The following NEK6 variants were observed in gnomAD, a reference collection of about 807,000 sequenced individuals.
NEK6 encodes NIMA related kinase 6, also known as serine/threonine-protein kinase Nek6.
In NEK6, 27 loss-of-function variants were observed where a neutral mutation model predicts 43.5. The ratio of observed to expected loss-of-function variants is 0.62; its 90% CI spans 0.46 to 0.86. The LOEUF (loss-of-function observed/expected upper bound fraction) is 0.86, where lower values mean the gene tolerates loss of function less well. Ranked by LOEUF, NEK6 falls within the 40% of genes least tolerant of loss-of-function variation. NEK6 has a pLI of 0.00. For synonymous variants in NEK6, 167 were observed against 164.1 expected (o/e 1.02, Z -0.14); for missense variants, 318 against 414.4 (o/e 0.77, Z 2.02).
chr9:124,326,208 C>CA lies in NEK6; in HGVS notation c.406-122_406-121insA. The CA allele has an allele frequency of 5.4e-6, 1 of 186,844 alleles. No homozygotes were observed. The highest frequency in any genetic ancestry group is 4.7e-5 in the South Asian group (1 of 21,078). The allele number at this position is 186,844 out of a possible 1,614,324, so 11.6% of individuals were successfully genotyped here. ...TGTTTGCTCAGTGGCTCAATCCCCC[C>CA]CCCCCGCCCCTGCCAGGCACCAGTT... On this transcript the variant is annotated intron_variant, in intron 5 of 9. Coordinates refer to ENST00000320246, the MANE Select transcript of NEK6 (RefSeq NM_014397.6). This position sits in a 1 kb window ranked among gnomAD's most constrained non-coding sequence, Gnocchi z 4.5.
intron 9 of NEK6, among the ~76,000 whole-genome samples, chr9:124,348,816 A>C (rs1295245760): frequency 6.6e-6 from 1 of 152,240 alleles, no homozygotes; most frequent in East Asian, 1.9e-4. Flanking sequence ...CGATAATAAC[A>C]GCTCATGTTC....
chr9:124,261,353 A>G (rs1831023514), intron 1 of NEK6: 2 of 961,190 alleles, frequency 2.1e-6, no homozygotes, highest in South Asian at 9.6e-5. Flanking sequence ...CAAAAGGAGA[A>G]GAATATTTCC....
chr9:124,259,718 T>C (rs1430919823), intron 1 of NEK6, among the ~76,000 whole-genome samples: 1 of 152,176 alleles, frequency 6.6e-6, no homozygotes, highest in Non-Finnish European at 1.5e-5. Context: ...GGAAGGTTCT[T>C]GCCTAACTTC....
At chr9:124,285,485 C>T (rs571233392) in intron 1 of NEK6, among the ~76,000 whole-genome samples, 81 of 152,210 alleles carry the variant, frequency 5.3e-4, no homozygotes, top group Non-Finnish European at 9.9e-4. Flanking sequence ...AGAGCTGGGT[C>T]GATGGCCACC....
intron 8 of NEK6, among the ~76,000 whole-genome samples, chr9:124,347,199 G>A (rs571585366): frequency 1.3e-3 from 192 of 152,340 alleles, no homozygotes; most frequent in East Asian, 2.3e-3. Flanking sequence ...GCAGCTCTGC[G>A]AGGGGCTGGC....
In NEK6 at chr9:124,300,697, G is replaced by A. The variant is rs528870189; in HGVS notation, c.-29-1239G>A. On this transcript the variant is annotated intron_variant, in intron 1 of 9. Coordinates refer to ENST00000320246, the MANE Select transcript of NEK6 (RefSeq NM_014397.6). ...TCAGACAAAACCCGCTGACCGCGCCGGGGGCTCTAGGATACGAGTCACATC... is the reference window on the plus strand; with the variant it reads ...TCAGACAAAACCCGCTGACCGCGCCAGGGGCTCTAGGATACGAGTCACATC... Among the ~76,000 whole-genome samples the A allele has an allele frequency of 7.2e-5, 11 of 152,272 alleles. No individual in the cohort carries two copies. The South Asian group carries it at 1.2e-3, about 17-fold the overall frequency.
At chr9:124,260,349 C>T (rs1375376065) in intron 1 of NEK6, among the ~76,000 whole-genome samples, 1 of 152,192 alleles carries the variant, frequency 6.6e-6, no homozygotes, top group East Asian at 1.9e-4. Flanking sequence ...TGCATAATTT[C>T]ATTAAAGTAG....
intron 2 of NEK6, among the ~76,000 whole-genome samples, chr9:124,306,956 A>C (rs1833284610): frequency 6.6e-6 from 1 of 152,238 alleles, no homozygotes; most frequent in African/African-American, 2.4e-5. Flanking sequence ...CGGTTGCCTT[A>C]AAATTAATGA....
chr9:124,302,183 T>G (rs1833016971), intron 2 of NEK6, 129 bp downstream of exon 2: 1 of 646,426 alleles, frequency 1.5e-6, no homozygotes, highest in African/African-American at 1.8e-5. Context: ...TCTTGAATGC[T>G]TCCAGTGATG....
chr9:124,276,156 G>A (rs574973801), intron 1 of NEK6, among the ~76,000 whole-genome samples: 7 of 152,192 alleles, frequency 4.6e-5, no homozygotes, highest in East Asian at 1.9e-4. Context: ...GAACAGTGCC[G>A]GGCACCTGGT....
chr9:124,273,614 C>G (rs1272152865), intron 1 of NEK6, among the ~76,000 whole-genome samples: 1 of 152,118 alleles, frequency 6.6e-6, no homozygotes, highest in East Asian at 1.9e-4. Context: ...TTGTCCCGTC[C>G]CACCGTTGGC....
chr9:124,293,206 C>T (rs1316540535), intron 1 of NEK6, among the ~76,000 whole-genome samples: 1 of 152,240 alleles, frequency 6.6e-6, no homozygotes, highest in Non-Finnish European at 1.5e-5. Context: ...GGCCATGCTG[C>T]TTATCAGCTG....
intron 1 of NEK6, among the ~76,000 whole-genome samples, chr9:124,298,997 G>C (rs1832830514): frequency 6.6e-6 from 1 of 152,236 alleles, no homozygotes; most frequent in Non-Finnish European, 1.5e-5. Context: ...GCATCTGGCT[G>C]CAGCTGTTGG....
chr9:124,308,818 C>A (rs531520722), intron 2 of NEK6, among the ~76,000 whole-genome samples: 1 of 152,328 alleles, frequency 6.6e-6, no homozygotes, highest in East Asian at 1.9e-4. Flanking sequence ...TCACCAACAT[C>A]ATCTCCCAGA....
Position 124,326,207 on chromosome 9 carries a change from C to A in NEK6, c.406-123C>A, listed in dbSNP as rs536800113. The A allele has an allele frequency of 4.4e-5, 8 of 182,404 alleles. No individual in the cohort carries two copies. The highest frequency in any genetic ancestry group is 9.6e-5 in the Non-Finnish European group (7 of 73,232). The allele number at this position is 182,404 out of a possible 1,614,324, so 11.3% of individuals were successfully genotyped here. The stretch of plus-strand genomic sequence containing the variant: ...TTGTTTGCTCAGTGGCTCAATCCCC[C>A]CCCCCCGCCCCTGCCAGGCACCAGT... On this transcript the variant is annotated intron_variant, in intron 5 of 9. Transcript: ENST00000320246. The surrounding 1 kb of genome is among the most constrained non-coding windows in gnomAD (Gnocchi z 4.5).
intron 1 of NEK6, among the ~76,000 whole-genome samples, chr9:124,262,063 G>T (rs1422485220): frequency 6.6e-6 from 1 of 152,050 alleles, no homozygotes; most frequent in Non-Finnish European, 1.5e-5. Context: ...GGAGTGAGGG[G>T]TGGTCTGCGG....
chr9:124,258,104 G>C lies in NEK6; in HGVS notation c.-30+19G>C. 2.0e-6 allele frequency: 2 copies of C among 978,940 alleles called. No homozygotes were observed. Among genetic ancestry groups the C allele is most frequent in the Non-Finnish European group, 2.4e-6 (2 of 827,420 alleles). The allele number at this position is 978,940 out of a possible 1,614,324, so 60.6% of individuals were successfully genotyped here. On this transcript the variant is annotated intron_variant, in intron 1 of 9. Transcript: ENST00000320246. Reference sequence around the variant, plus strand: ...CGCGCCGGTGAGTCGCCTGGGGCTGGGGCCGGGCCGGTGGGGCCCCGCGGC... The same window carrying C: ...CGCGCCGGTGAGTCGCCTGGGGCTGCGGCCGGGCCGGTGGGGCCCCGCGGC...
At chr9:124,260,917 C>T (rs1055948889) in intron 1 of NEK6, among the ~76,000 whole-genome samples, 48 of 152,298 alleles carry the variant, frequency 3.2e-4, no homozygotes, top group Middle Eastern at 3.4e-3. Context: ...CCATGGTCTC[C>T]CCACTGTACT....
At chr9:124,307,514 G>A (rs1340380746) in intron 2 of NEK6, among the ~76,000 whole-genome samples, 2 of 152,214 alleles carry the variant, frequency 1.3e-5, no homozygotes, top group East Asian at 1.9e-4. Context: ...GCCCCAGGCA[G>A]CCCAGGCCTT....
Sources: gnomAD v4.1 joint callset for allele counts (sites outside exome capture counted in the v4.1 genomes callset) on GRCh38, gnomAD v4.1.1 for gene constraint, Gnocchi (gnomAD v3.1) non-coding constraint, MANE v1.5 for transcripts, NCBI Gene and HGNC (gene_info 2026-07-23, HGNC 2026-07-21) for gene names.